NME7: variants seen among roughly 807,000 people sequenced by gnomAD.
NME7 encodes NME/NM23 family member 7, also known as nucleoside diphosphate kinase 7.
NME7 carries 41 observed loss-of-function variants against 49.1 expected under a neutral mutation model. The ratio of observed to expected loss-of-function variants is 0.83; its 90% confidence interval spans 0.65 to 1.08. The LOEUF (loss-of-function observed/expected upper bound fraction) is 1.08. Among genes scored for constraint, NME7 ranks in the 50% least tolerant of loss-of-function variants. NME7 has a pLI of 0.00. For missense variants in NME7, 423 were observed against 463.4 expected, an observed-to-expected ratio of 0.91 and a Z score of 0.80; for synonymous variants, 139 against 150.6, an observed-to-expected ratio of 0.92 and a Z score of 0.56.
rs1256642905 is a variant in NME7 at position 169,260,037 on chromosome 1, C to T, written c.755-22350G>A. On this transcript the variant is annotated intron_variant, in intron 7 of 11. Coordinates refer to ENST00000367811, the MANE Select transcript of NME7 (RefSeq NM_013330.5). ...ATAACTGGGATGAGTAACTCACTTC[C>T]TATTTTGCACACATAGAAGTCACAG... is the stretch of plus-strand genomic sequence containing the variant. 2.2e-5 allele frequency among the ~76,000 whole-genome samples: 3 copies of T among 133,574 alleles called. 1 individual carries two copies. The highest frequency in any genetic ancestry group is 5.3e-5 in the Non-Finnish European group (3 of 56,754). The allele number at this position is 133,574 out of a possible 152,430, so 87.6% of individuals were successfully genotyped here.
chr1:169,168,167 G>A (rs1659468596), intron 11 of NME7, among the ~76,000 whole-genome samples: 1 of 152,160 alleles, frequency 6.6e-6, no homozygotes, highest in South Asian at 2.1e-4. Flanking sequence ...AAAACCTCAA[G>A]TCAAAAGGTC....
rs1226596650 is a variant in NME7, at chr1:169,256,232, G to GT, written c.755-18546dup. Among the ~76,000 whole-genome samples, 2 of 132,922 alleles carry GT rather than the reference G, an allele frequency of 1.5e-5. 1 individual carries two copies. Among genetic ancestry groups the GT allele is most frequent in the Non-Finnish European group, 3.5e-5 (2 of 56,600 alleles). 87.2% of individuals were successfully genotyped at this position (132,922 alleles called of 152,430 possible). On this transcript the variant is annotated intron_variant, in intron 7 of 11. Transcript: ENST00000367811. Reference sequence around the variant, plus strand: ...GACGTAGATTTGGTCTTTTCACATAGTCCCATATTTCTTGGAGGCTTTACT... The same window carrying GT: ...GACGTAGATTTGGTCTTTTCACATAGTTCCCATATTTCTTGGAGGCTTTACT...
In NME7 at chr1:169,168,328, T is replaced by C. The variant is rs1187597525; in HGVS notation, c.1098+1119A>G. Reference sequence around the variant, plus strand: ...CTCCTTCTGCCTTATGCTTCCTCAGTTGAATTCTTTCTTCTGAAGAGGCAG... The same window carrying C: ...CTCCTTCTGCCTTATGCTTCCTCAGCTGAATTCTTTCTTCTGAAGAGGCAG... On this transcript the variant is annotated intron_variant, in intron 11 of 11. Transcript: ENST00000367811. Among the ~76,000 whole-genome samples, 3 of 152,296 alleles carry C rather than the reference T, an allele frequency of 2.0e-5. No individual in the cohort carries two copies. The East Asian group carries it at 5.8e-4, about 29-fold the overall frequency.
chr1:169,195,308 C>T (rs1397154593), intron 10 of NME7, among the ~76,000 whole-genome samples: 1 of 152,186 alleles, frequency 6.6e-6, no homozygotes, highest in African/African-American at 2.4e-5. Context: ...AACTCCTGAG[C>T]TCAAGGGATC....
intron 10 of NME7, among the ~76,000 whole-genome samples, chr1:169,201,563 G>A (rs1179218971): frequency 6.6e-6 from 1 of 152,138 alleles, no homozygotes; most frequent in Non-Finnish European, 1.5e-5. Context: ...ACGAGATGGT[G>A]AGAAGGTATC....
intron 11 of NME7, among the ~76,000 whole-genome samples, chr1:169,157,172 T>A (rs979494969): frequency 6.6e-6 from 1 of 152,150 alleles, no homozygotes; most frequent in South Asian, 2.1e-4. Context: ...CATCAGGTCA[T>A]TGAGACATTT....
chr1:169,243,091 A>G (rs1476286224), intron 7 of NME7, among the ~76,000 whole-genome samples: 3 of 152,290 alleles, frequency 2.0e-5, no homozygotes, highest in Non-Finnish European at 2.9e-5. Flanking sequence ...AATAACTAAA[A>G]CAATTTCAAA....
chr1:169,264,920 G>A (rs1040755548), intron 7 of NME7, among the ~76,000 whole-genome samples: 1 of 133,626 alleles, frequency 7.5e-6, no homozygotes, highest in Non-Finnish European at 1.8e-5. Context: ...AGCATGGCTA[G>A]GGAGGCCTCA....
At position 169,187,212 on chromosome 1, in the gene NME7, G is replaced by A. The variant is rs149946684; in HGVS notation, c.991-17658C>T. On this transcript the variant is annotated intron_variant, in intron 10 of 11. Coordinates refer to ENST00000367811, the MANE Select transcript of NME7 (RefSeq NM_013330.5). Reference sequence around the variant, plus strand: ...ATTTTAGAATAAGTGCGATGTGGGTGCTGAGAAGAATGATTTCGGGTGGAG... The same window carrying A: ...ATTTTAGAATAAGTGCGATGTGGGTACTGAGAAGAATGATTTCGGGTGGAG... Among the ~76,000 whole-genome samples the A allele has an allele frequency of 6.2e-3, 941 of 152,224 alleles. 1 individual carries two copies. Among genetic ancestry groups the A allele is most frequent in the Non-Finnish European group, 0.011 (770 of 68,002 alleles).
chr1:169,308,348 G>A (rs1033473881), intron 4 of NME7, among the ~76,000 whole-genome samples: 15 of 152,110 alleles, frequency 9.9e-5, no homozygotes, highest in African/African-American at 3.1e-4. Flanking sequence ...CTGACCCATG[G>A]AATAAATCCA....
At chr1:169,138,491 C>G (rs547516408) in intron 11 of NME7, among the ~76,000 whole-genome samples, 1 of 152,264 alleles carries the variant, frequency 6.6e-6, no homozygotes, top group Admixed American at 6.5e-5. Context: ...AGGAGGATCA[C>G]TTGAGCCCAG....
chr1:169,212,419 T>C (rs1034600103), intron 10 of NME7, among the ~76,000 whole-genome samples: 3 of 152,048 alleles, frequency 2.0e-5, no homozygotes, highest in South Asian at 2.1e-4. Flanking sequence ...TGAAATTTAT[T>C]TGTAACCCCA....
At chr1:169,240,991 C>T (rs551854639) in intron 7 of NME7, among the ~76,000 whole-genome samples, 83 of 152,166 alleles carry the variant, frequency 5.5e-4, no homozygotes, top group Non-Finnish European at 9.4e-4. Flanking sequence ...TGAATAAGCA[C>T]AATTTGTCTG....
chr1:169,295,612 A>G (rs1012688789), intron 6 of NME7, among the ~76,000 whole-genome samples: 2 of 152,140 alleles, frequency 1.3e-5, no homozygotes, highest in Non-Finnish European at 2.9e-5. Context: ...CTTCCGTCAC[A>G]TTTGTTTCAC....
In NME7 at chr1:169,272,243, TTACA is replaced by T. The variant is rs1408472241; in HGVS notation, c.754+15056_754+15059del. Among the ~76,000 whole-genome samples, 5 of 133,640 alleles carry T rather than the reference TTACA, an allele frequency of 3.7e-5. 2 individuals are homozygous for T. The highest frequency in any genetic ancestry group is 7.0e-5 in the Non-Finnish European group (4 of 56,980). 87.7% of individuals were successfully genotyped at this position (133,640 alleles called of 152,430 possible). A position where few individuals can be genotyped will look rare whatever the true frequency, so the allele number is the denominator to read the frequency against. On this transcript the variant is annotated intron_variant, in intron 7 of 11. Coordinates refer to ENST00000367811, the MANE Select transcript of NME7 (RefSeq NM_013330.5). ...TAGTTATTTTGATATCAACTTTCAC[TTACA>T]TACAGTATTTTTTGGTTTTAGTTAC... is the stretch of plus-strand genomic sequence containing the variant.
chr1:169,282,937 A>T (rs1650085014), intron 7 of NME7, among the ~76,000 whole-genome samples: 1 of 152,226 alleles, frequency 6.6e-6, no homozygotes, highest in African/African-American at 2.4e-5. Flanking sequence ...TTTGAGGTGG[A>T]GAGTTCTGTG....
At chr1:169,336,163 G>A (rs867966921) in intron 1 of NME7, among the ~76,000 whole-genome samples, 5 of 151,788 alleles carry the variant, frequency 3.3e-5, no homozygotes, top group Admixed American at 2.0e-4. Flanking sequence ...CAGCGCGTCC[G>A]GAGTTGTTCG....
At chr1:169,284,613 T>C (rs1328928601) in intron 7 of NME7, 12 of 152,192 alleles carry the variant, frequency 7.9e-5, no homozygotes, top group Admixed American at 3.9e-4. Flanking sequence ...CAATTTTTGT[T>C]TTTGTTGTAA....
chr1:169,285,225 G>A (rs1650225550), intron 7 of NME7: 1 of 152,066 alleles, frequency 6.6e-6, no homozygotes. Flanking sequence ...ACATAAACCA[G>A]TGGTTGAAAA....
Sources: allele counts gnomAD v4.1 joint callset (sites outside exome capture counted in the v4.1 genomes callset), GRCh38; gene constraint gnomAD v4.1.1; transcripts MANE v1.5; gene names NCBI Gene and HGNC (gene_info 2026-07-23, HGNC 2026-07-21).